The following ATP9B variants were observed in gnomAD, a reference collection of about 807,000 sequenced individuals.
ATP9B encodes ATPase phospholipid transporting 9B, also known as probable phospholipid-transporting ATPase IIB.
In ATP9B, 110 loss-of-function variants were observed where a neutral mutation model predicts 146.1. The ratio of observed to expected loss-of-function variants is 0.75; its 90% CI spans 0.65 to 0.88. ATP9B has a LOEUF of 0.88. Ranked by LOEUF, ATP9B falls within the 40% of genes least tolerant of loss-of-function variation. ATP9B has a pLI of 0.00. For missense variants in ATP9B, 1,499 were observed against 1,496.4 expected (o/e 1.00, Z -0.03); for synonymous variants, 604 against 569.7 (o/e 1.06, Z -0.86).
At chr18:79,233,804 A>G (rs1405585507) in intron 11 of ATP9B, among the ~76,000 whole-genome samples, 1 of 152,258 alleles carries the variant, frequency 6.6e-6, no homozygotes, top group Non-Finnish European at 1.5e-5. Context: ...AAGCCTTACC[A>G]GTAACACAGA....
intron 2 of ATP9B, among the ~76,000 whole-genome samples, chr18:79,097,353 TTTA>T (rs768511652): frequency 2.6e-4 from 40 of 151,888 alleles, no homozygotes; most frequent in Non-Finnish European, 4.4e-4. Context: ...CTACATTTAT[TTTA>T]TTATTATTTT....
At chr18:79,125,065 G>C (rs1406939915) in intron 4 of ATP9B, among the ~76,000 whole-genome samples, 1 of 152,184 alleles carries the variant, frequency 6.6e-6, no homozygotes, top group Non-Finnish European at 1.5e-5. Context: ...TTCGTGAGAT[G>C]GTCTGCCTTA....
At chr18:79,247,197 C>T (rs925782835) in intron 11 of ATP9B, among the ~76,000 whole-genome samples, 1 of 152,248 alleles carries the variant, frequency 6.6e-6, no homozygotes, top group South Asian at 2.1e-4. Flanking sequence ...ATTTACTTTG[C>T]GAAGGTTCTA....
At position 79,354,722 on chromosome 18, in the gene ATP9B, CAG is replaced by C. The variant is rs544839035; in HGVS notation, c.2904-4629_2904-4628del. On this transcript the variant is annotated intron_variant, in intron 25 of 29. Transcript: ENST00000426216. Reference sequence around the variant, plus strand: ...GGCTCTGAGTGGAGAGCGAGGTGAACAGAGGGGGCAAGGGGCGAGGCGGCAGG... The same window carrying C: ...GGCTCTGAGTGGAGAGCGAGGTGAACAGGGGGCAAGGGGCGAGGCGGCAGG... 3.3e-3 allele frequency among the ~76,000 whole-genome samples: 496 copies of C among 152,014 alleles called. 3 individuals are homozygous for C. The highest frequency in any genetic ancestry group is 3.3e-3 in the Non-Finnish European group (221 of 67,994).
chr18:79,069,395 A>T lies in ATP9B; in HGVS notation c.-16A>T, dbSNP rs775459638. 2.0e-6 allele frequency: 3 copies of T among 1,486,476 alleles called. No individual in the cohort carries two copies. The Admixed American group carries it at 7.0e-5, about 35-fold the overall frequency. 92.1% of individuals were successfully genotyped at this position (1,486,476 alleles called of 1,614,324 possible). ...TGAGGGGAAAGTGGGAGGGGCGGGA[A>T]AGGGGCGGTCGGAACATGGCGGACC... On this transcript the variant is annotated 5_prime_UTR_variant, in exon 1 of 30. Transcript: ENST00000426216.
chr18:79,140,316 T>C (rs118130482), intron 5 of ATP9B, among the ~76,000 whole-genome samples: 1 of 152,224 alleles, frequency 6.6e-6, no homozygotes, highest in Non-Finnish European at 1.5e-5. Flanking sequence ...TAAATAATTA[T>C]CATCGAATGG....
chr18:79,327,659 T>TTTAGCGTGCTCTCCGTGG lies in ATP9B; in HGVS notation c.1774-1459_1774-1442dup, dbSNP rs1555849992. Among the ~76,000 whole-genome samples the TTTAGCGTGCTCTCCGTGG allele has an allele frequency of 3.9e-4, 41 of 105,980 alleles. 2 individuals are homozygous for TTTAGCGTGCTCTCCGTGG. Among genetic ancestry groups the TTTAGCGTGCTCTCCGTGG allele is most frequent in the African/African-American group, 4.9e-4 (13 of 26,558 alleles). 69.5% of individuals were successfully genotyped at this position (105,980 alleles called of 152,430 possible). On this transcript the variant is annotated intron_variant, in intron 15 of 29. Transcript: ENST00000426216. ...CTCCCTGGTTAGCATGCTCTCCGTGTTTAGCGTGCTCTCCGTGGTTAGCGT... is the reference window on the plus strand; with the variant it reads ...CTCCCTGGTTAGCATGCTCTCCGTGTTTAGCGTGCTCTCCGTGGTTAGCGTGCTCTCCGTGGTTAGCGT...
chr18:79,195,380 C>T (rs548545791), intron 9 of ATP9B, among the ~76,000 whole-genome samples: 3 of 152,118 alleles, frequency 2.0e-5, no homozygotes, highest in East Asian at 3.9e-4. Context: ...TCTAAAGGGT[C>T]GGGATCATAG....
intron 12 of ATP9B, among the ~76,000 whole-genome samples, chr18:79,256,171 C>CT (rs1403849216): frequency 6.7e-6 from 1 of 148,192 alleles, no homozygotes; most frequent in Admixed American, 6.7e-5. Flanking sequence ...AACTCCTTAA[C>CT]TTTTTAGTTA....
Position 79,125,390 on chromosome 18 carries a change from CTT to C in ATP9B, c.559-876_559-875del, listed in dbSNP as rs966484833. Among the ~76,000 whole-genome samples, 25 of 152,152 alleles carry C rather than the reference CTT, an allele frequency of 1.6e-4. 1 individual carries two copies. The highest frequency in any genetic ancestry group is 1.5e-5 in the Non-Finnish European group (1 of 68,026). ...GTTGAAGGGGTTTTCAAATAGGACA[CTT>C]GAGAAAAATACCATTTCAGTAAATA... On this transcript the variant is annotated intron_variant, in intron 4 of 29. Transcript: ENST00000426216.
At chr18:79,223,871 G>A (rs910456317) in intron 11 of ATP9B, among the ~76,000 whole-genome samples, 1 of 152,190 alleles carries the variant, frequency 6.6e-6, no homozygotes, top group Admixed American at 6.5e-5. Flanking sequence ...CTCTATCAGA[G>A]TGTATAGCAA....
At chr18:79,230,867 T>A (rs138213316) in intron 11 of ATP9B, among the ~76,000 whole-genome samples, 137 of 152,230 alleles carry the variant, frequency 9.0e-4, no homozygotes, top group African/African-American at 3.1e-3. Context: ...GCCAAATACT[T>A]ATAGTCAACT....
Position 79,377,248 on chromosome 18 carries a change from T to C in ATP9B, c.3309T>C (p.Asp1103=), listed in dbSNP as rs1008411662. ...TTTTTCTCTGTTTCCTGCCAACAGATGTTGCCTTTATCACCACCGTGACCT... is the reference window on the plus strand; with the variant it reads ...TTTTTCTCTGTTTCCTGCCAACAGACGTTGCCTTTATCACCACCGTGACCT... ...IGRVSFGAFL[D]VAFITTVTFL... is the part of the protein sequence containing the mutation. Residue 1103 remains aspartate (D), a splice_region_variant and synonymous_variant, in exon 30 of 30, where the codon GAT becomes GAC. Transcript: ENST00000426216. The C allele has an allele frequency of 5.6e-6, 9 of 1,611,614 alleles. No homozygotes were observed. The highest frequency in any genetic ancestry group is 7.6e-6 in the Non-Finnish European group (9 of 1,180,006).
At chr18:79,289,012 G>A (rs910662399) in intron 13 of ATP9B, among the ~76,000 whole-genome samples, 6 of 152,116 alleles carry the variant, frequency 3.9e-5, no homozygotes, top group Admixed American at 3.9e-4. Context: ...TTCCCTTTGA[G>A]GGTAACCCGA....
chr18:79,123,945 A>G (rs2094235455), intron 4 of ATP9B, among the ~76,000 whole-genome samples: 1 of 152,358 alleles, frequency 6.6e-6, no homozygotes, highest in Middle Eastern at 3.4e-3. Context: ...GAGGAATGCC[A>G]GTTAAAACCA....
chr18:79,373,820 T>C, intron 27 of ATP9B, 78 bp from the exon 28 acceptor site: 1 of 1,473,568 alleles, frequency 6.8e-7, no homozygotes, highest in African/African-American at 1.4e-5. Flanking sequence ...TTGAGTGACG[T>C]TGCTGGTTCA....
chr18:79,179,499 T>C (rs545852753), intron 8 of ATP9B, among the ~76,000 whole-genome samples: 77 of 152,306 alleles, frequency 5.1e-4, no homozygotes, highest in African/African-American at 1.8e-3. Flanking sequence ...AGTTAAAAAA[T>C]CATTTTCATT....
At chr18:79,274,500 T>C (rs2096286213) in intron 12 of ATP9B, among the ~76,000 whole-genome samples, 1 of 152,180 alleles carries the variant, frequency 6.6e-6, no homozygotes, top group Non-Finnish European at 1.5e-5. Context: ...CCCTATGTGG[T>C]AGTATATGCA....
intron 11 of ATP9B, among the ~76,000 whole-genome samples, chr18:79,235,084 G>A (rs2095828805): frequency 6.6e-6 from 1 of 152,076 alleles, no homozygotes; most frequent in Admixed American, 6.5e-5. Flanking sequence ...TATTGGTCGG[G>A]CTGGTCTCGA....
Sources: allele counts gnomAD v4.1 joint callset (sites outside exome capture counted in the v4.1 genomes callset), GRCh38; gene constraint gnomAD v4.1.1; transcripts MANE v1.5; gene names NCBI Gene and HGNC (gene_info 2026-07-23, HGNC 2026-07-21).